The following MRM1 variants were observed in gnomAD, a reference collection of about 807,000 sequenced individuals.
MRM1 encodes the protein rRNA methyltransferase 1, mitochondrial.
A neutral mutation model predicts 25.0 loss-of-function variants in MRM1; 24 were observed. The observed-to-expected ratio is 0.96, with a 90% CI of 0.69 to 1.35. The LOEUF (loss-of-function observed/expected upper bound fraction) is 1.35, where lower values mean the gene tolerates loss of function less well. MRM1 is among the 40% of genes most tolerant of loss of function. MRM1 has a pLI of 0.00. For synonymous variants in MRM1, 188 were observed against 199.2 expected (o/e 0.94, Z 0.47); for missense variants, 431 against 464.1 (o/e 0.93, Z 0.65).
At chr17:36,618,590 G>A in the MRM1 span, among the ~76,000 whole-genome samples, 1 of 152,130 alleles carries the variant, frequency 6.6e-6, no homozygotes, top group Non-Finnish European at 1.5e-5. Flanking sequence ...TAAGGAGGGA[G>A]GACAGTGAGA....
At chr17:36,612,093 G>T (rs778528840), downstream of MRM1, among the ~76,000 whole-genome samples, 9 of 152,152 alleles carry the variant, frequency 5.9e-5, no homozygotes, top group Non-Finnish European at 8.8e-5. Context: ...AGAAGTTGGA[G>T]TAGGGGCTAC....
At chr17:36,622,392 T>C in the MRM1 span, among the ~76,000 whole-genome samples, 1 of 151,902 alleles carries the variant, frequency 6.6e-6, no homozygotes, top group African/African-American at 2.4e-5. Context: ...GGCAACATGG[T>C]GAAACCCCAT....
the MRM1 span, among the ~76,000 whole-genome samples, chr17:36,620,369 G>A: frequency 1.4e-4 from 22 of 152,288 alleles, no homozygotes; most frequent in African/African-American, 5.3e-4. Context: ...TTAGCCAGGA[G>A]CATGGAAGCC....
At chr17:36,609,945 A>G (rs1342710072), downstream of MRM1, among the ~76,000 whole-genome samples, 1 of 152,002 alleles carries the variant, frequency 6.6e-6, no homozygotes, top group African/African-American at 2.4e-5. Flanking sequence ...TTTTTTTTTG[A>G]GACAGGGTCT....
chr17:36,623,051 G>A, the MRM1 span, among the ~76,000 whole-genome samples: 7 of 152,324 alleles, frequency 4.6e-5, no homozygotes, highest in East Asian at 1.9e-4. Flanking sequence ...TATGGGGCAC[G>A]GGGTATGTTC....
rs542887010 is a variant in MRM1 at position 36,605,665 on chromosome 17, C to T, written c.637-2005C>T. Among the ~76,000 whole-genome samples the T allele has an allele frequency of 3.3e-5, 5 of 151,576 alleles. No individual in the cohort carries two copies. The South Asian group carries it at 6.3e-4, about 19-fold the overall frequency. ...TTGTTGTTGTTGTTTTGCTGTCAGG[C>T]GGGCATTTCAAACCTAACATTTCTA... On this transcript the variant is annotated intron_variant, in intron 2 of 4. Coordinates refer to ENST00000614766, the MANE Select transcript of MRM1 (RefSeq NM_024864.5).
intron 2 of MRM1, among the ~76,000 whole-genome samples, chr17:36,604,039 G>A (rs999139098): frequency 6.6e-6 from 1 of 152,174 alleles, no homozygotes; most frequent in Non-Finnish European, 1.5e-5. Flanking sequence ...AGTGTCATCC[G>A]CCTGTTGCTG....
At chr17:36,632,411 G>A in the MRM1 span, among the ~76,000 whole-genome samples, 1 of 151,128 alleles carries the variant, frequency 6.6e-6, no homozygotes, top group Non-Finnish European at 1.5e-5. Flanking sequence ...GAGAGTGGGT[G>A]TTGGACTTGG....
intron 2 of MRM1, among the ~76,000 whole-genome samples, chr17:36,605,241 G>A (rs953489758): frequency 1.3e-4 from 19 of 151,614 alleles, no homozygotes; most frequent in African/African-American, 9.7e-5. Flanking sequence ...TATAGCCTCC[G>A]AATTCCTGGG....
At chr17:36,622,098 G>A in the MRM1 span, among the ~76,000 whole-genome samples, 1 of 152,140 alleles carries the variant, frequency 6.6e-6, no homozygotes, top group Non-Finnish European at 1.5e-5. Flanking sequence ...GCCTGGGGAA[G>A]GGGCTTGACT....
Position 36,608,228 on chromosome 17 carries a change from C to T in MRM1, c.890-15C>T. 6.4e-7 allele frequency: 1 copy of T among 1,550,972 alleles called. No homozygotes were observed. The highest frequency in any genetic ancestry group is 8.7e-7 in the Non-Finnish European group (1 of 1,147,350). On this transcript the variant is annotated splice_polypyrimidine_tract_variant and intron_variant, in intron 4 of 4. Transcript: ENST00000614766. ...CTCCTCCGTCCTCTCTTCCCTTGTC[C>T]TTGTGTCTGTGCAGGAATTCTTCTT...
intron 2 of MRM1, among the ~76,000 whole-genome samples, chr17:36,607,018 G>A (rs1397611197): frequency 1.3e-5 from 2 of 151,450 alleles, no homozygotes; most frequent in Admixed American, 6.6e-5. Context: ...GAGTTCAAGC[G>A]ATTCTCCTGC....
chr17:36,611,286 G>A (rs780679525), downstream of MRM1, among the ~76,000 whole-genome samples: 15 of 152,124 alleles, frequency 9.9e-5, no homozygotes, highest in South Asian at 1.0e-3. Flanking sequence ...CTCAGGTTCC[G>A]GAAGGTGCTC....
chr17:36,603,177 A>G, intron 2 of MRM1: 2 of 970,576 alleles, frequency 2.1e-6, no homozygotes, highest in Non-Finnish European at 1.2e-6. Context: ...ACCCCCCCCA[A>G]CCCCCACCCC....
chr17:36,617,393 CTTT>C, the MRM1 span, among the ~76,000 whole-genome samples: 554 of 137,580 alleles, frequency 4.0e-3, 2 homozygotes, highest in African/African-American at 0.014. Flanking sequence ...TCCTTTCCGT[CTTT>C]TTTTTTTTTT....
chr17:36,612,303 T>C (rs529668190), downstream of MRM1, among the ~76,000 whole-genome samples: 9 of 152,110 alleles, frequency 5.9e-5, no homozygotes, highest in Admixed American at 2.0e-4. Context: ...GGAAGACAGG[T>C]TCACTTAAAC....
the MRM1 span, among the ~76,000 whole-genome samples, chr17:36,620,487 G>A: frequency 6.6e-6 from 1 of 152,164 alleles, no homozygotes; most frequent in African/African-American, 2.4e-5. Flanking sequence ...GAGGCCCAGG[G>A]AGGCAAAAAG....
the MRM1 span, among the ~76,000 whole-genome samples, chr17:36,616,174 C>T: frequency 6.6e-6 from 1 of 152,204 alleles, no homozygotes; most frequent in Admixed American, 6.5e-5. Context: ...GGGCCAGGCA[C>T]GTGCTGGGTG....
chr17:36,611,849 C>T (rs186224980), downstream of MRM1, among the ~76,000 whole-genome samples: 18 of 152,316 alleles, frequency 1.2e-4, no homozygotes, highest in Admixed American at 9.8e-4. Flanking sequence ...ATGAAACCAT[C>T]AGCTCTCCTG....
Sources: allele counts gnomAD v4.1 joint callset (sites outside exome capture counted in the v4.1 genomes callset), GRCh38; gene constraint gnomAD v4.1.1; transcripts MANE v1.5; gene names NCBI Gene and HGNC (gene_info 2026-07-23, HGNC 2026-07-21).